Variants in RNF130 observed in about 807,000 individuals in gnomAD.
The protein encoded by RNF130 is ring finger protein 130.
A neutral mutation model predicts 44.6 loss-of-function variants in RNF130; 21 were observed. The observed-to-expected ratio is 0.47, with a 90% CI of 0.33 to 0.68. RNF130 has a LOEUF of 0.68. RNF130 is among the 30% of genes least tolerant of loss of function. The pLI, the probability that RNF130 is intolerant of heterozygous loss-of-function variation, is 0.02. For synonymous variants in RNF130, 214 were observed against 210.4 expected (o/e 1.02, Z -0.15); for missense variants, 479 against 560.6 (o/e 0.85, Z 1.47).
At position 179,966,992 on chromosome 5, in the gene RNF130, C is replaced by T; in HGVS notation, c.964G>A (p.Asp322Asn). 1.9e-6 allele frequency: 3 copies of T among 1,612,896 alleles called. No individual in the cohort carries two copies. Among genetic ancestry groups the T allele is most frequent in the Non-Finnish European group, 2.5e-6 (3 of 1,179,496 alleles). ...LGIVPNLPCT[D>N]NVAFDMERLT... ...CTTTCCATATCGAATGCTACGTTAT[C>T]AGTACATGGCAAATTCGGCTGCAAA... Residue 322 changes from aspartate to asparagine, a missense_variant, in exon 7 of 9, where the codon GAT (aspartate) becomes AAT (asparagine). By Grantham distance (23) the Asp-to-Asn change is conservative. Transcript: ENST00000521389.
At chr5:180,042,545 T>C (rs1764446824) in intron 1 of RNF130, among the ~76,000 whole-genome samples, 1 of 152,216 alleles carries the variant, frequency 6.6e-6, no homozygotes, top group Non-Finnish European at 1.5e-5. Context: ...TTTACTTTCA[T>C]CACTATCTGT....
chr5:180,051,534 G>A (rs1251717223), intron 1 of RNF130, among the ~76,000 whole-genome samples: 4 of 152,086 alleles, frequency 2.6e-5, no homozygotes, highest in Admixed American at 2.0e-4. Flanking sequence ...ACCGCGCCCC[G>A]GCCTTTGTAC....
chr5:179,956,599 C>T (rs1561668329), intron 8 of RNF130: 2 of 152,918 alleles, frequency 1.3e-5, no homozygotes, highest in Non-Finnish European at 2.9e-5. Flanking sequence ...ACAGCAGACA[C>T]ACCAAACCAC....
At chr5:180,002,542 C>T (rs1316306806) in intron 3 of RNF130, among the ~76,000 whole-genome samples, 3 of 152,208 alleles carry the variant, frequency 2.0e-5, no homozygotes, top group South Asian at 2.1e-4. Context: ...GGTGCATAGC[C>T]GGGTGGACTC....
In RNF130 at chr5:179,970,532, A is replaced by G. The variant is rs772020819; in HGVS notation, c.849-26T>C. Reference sequence around the variant, plus strand: ...CTATAAAATAATGGAGAATTATGTCACAAGTTACATACCAAGAAACTTATT... The same window carrying G: ...CTATAAAATAATGGAGAATTATGTCGCAAGTTACATACCAAGAAACTTATT... On this transcript the variant is annotated intron_variant, in intron 5 of 8. Coordinates refer to ENST00000521389, the MANE Select transcript of RNF130 (RefSeq NM_018434.6). The G allele has an allele frequency of 5.1e-6, 8 of 1,554,126 alleles. No homozygotes were observed. The East Asian group carries it at 1.6e-4, about 31-fold the overall frequency.
intron 3 of RNF130, among the ~76,000 whole-genome samples, chr5:180,005,352 TG>T (rs2113068449): frequency 6.6e-6 from 1 of 152,186 alleles, no homozygotes. Context: ...GGTCTGAACC[TG>T]GGAGGCGGAG....
At chr5:180,052,316 T>C (rs1764704621) in intron 1 of RNF130, among the ~76,000 whole-genome samples, 1 of 152,216 alleles carries the variant, frequency 6.6e-6, no homozygotes, top group Non-Finnish European at 1.5e-5. Context: ...TCCTCTCACA[T>C]GTGACGTCTT....
rs947789281 is a variant in RNF130, at chr5:180,071,446, C to T, written c.247+10G>A. On this transcript the variant is annotated intron_variant, in intron 1 of 8. Coordinates refer to ENST00000521389, the MANE Select transcript of RNF130 (RefSeq NM_018434.6). ...CGACCACCGCCCGCCGCCCCCGGGC[C>T]GGCACTCACCTCCGTGGAGGGGCAG... 1.6e-6 allele frequency: 2 copies of T among 1,236,860 alleles called. No individual in the cohort carries two copies. Among genetic ancestry groups the T allele is most frequent in the Non-Finnish European group, 2.0e-6 (2 of 989,332 alleles). The allele number at this position is 1,236,860 out of a possible 1,614,324, so 76.6% of individuals were successfully genotyped here.
Position 180,021,391 on chromosome 5 carries a change from T to A in RNF130, c.443-8080A>T, listed in dbSNP as rs554677131. Among the ~76,000 whole-genome samples the A allele has an allele frequency of 6.6e-5, 10 of 152,256 alleles. No individual in the cohort carries two copies. The East Asian group carries it at 9.7e-4, about 15-fold the overall frequency. On this transcript the variant is annotated intron_variant, in intron 2 of 8. Transcript: ENST00000521389. ...TCATTTATTGATGTATAAAATACCA[T>A]CAACCACAAGGTACATCATTATGTA...
intron 7 of RNF130, among the ~76,000 whole-genome samples, chr5:179,949,481 C>G (rs977143950): frequency 2.0e-5 from 3 of 151,088 alleles, no homozygotes; most frequent in Admixed American, 2.0e-4. Context: ...GCTGAAAATA[C>G]TCTAGAAAAA....
downstream of RNF130, among the ~76,000 whole-genome samples, chr5:179,950,266 G>C (rs1300853012): frequency 1.3e-5 from 2 of 151,974 alleles, no homozygotes; most frequent in African/African-American, 2.4e-5. Flanking sequence ...ATAGGCACCT[G>C]CCACCACGCC....
In RNF130 at chr5:179,945,229, C is replaced by T. The variant is rs73342216; in HGVS notation, c.1150+21577G>A. Among the ~76,000 whole-genome samples the T allele has an allele frequency of 8.8e-3, 1,344 of 152,300 alleles. 21 individuals are homozygous for T. Among genetic ancestry groups the T allele is most frequent in the African/African-American group, 0.031 (1,276 of 41,564 alleles). ...TCTCGCCCACACCTGTGACCCCTTT[C>T]CCTCCACTACGATGAGCAAGGCTCA... On this transcript the variant is annotated intron_variant, in intron 7 of 7. Coordinates refer to the RNF130 transcript ENST00000522208.
intron 1 of RNF130, among the ~76,000 whole-genome samples, chr5:180,064,750 G>C (rs1234191140): frequency 3.9e-5 from 6 of 152,038 alleles, no homozygotes; most frequent in Non-Finnish European, 5.9e-5. Flanking sequence ...CTCCACCTTT[G>C]TCATCTGTGT....
At chr5:179,979,626 T>A (rs1582159437) in intron 4 of RNF130, among the ~76,000 whole-genome samples, 1 of 152,272 alleles carries the variant, frequency 6.6e-6, no homozygotes, top group East Asian at 1.9e-4. Context: ...TGAGGCGGGA[T>A]GTCAGTTAGA....
At chr5:179,950,324 T>A (rs1762107108), downstream of RNF130, among the ~76,000 whole-genome samples, 1 of 151,888 alleles carries the variant, frequency 6.6e-6, no homozygotes. Context: ...GCCATGTTGG[T>A]CAGGCTGGTA....
intron 1 of RNF130, among the ~76,000 whole-genome samples, chr5:180,065,503 G>C (rs890790497): frequency 2.0e-5 from 3 of 152,190 alleles, no homozygotes; most frequent in Non-Finnish European, 2.9e-5. Context: ...GCTCACACTT[G>C]TAATCCCAGC....
At chr5:180,056,084 A>T (rs1383871112) in intron 1 of RNF130, among the ~76,000 whole-genome samples, 1 of 150,994 alleles carries the variant, frequency 6.6e-6, no homozygotes, top group Non-Finnish European at 1.5e-5. Flanking sequence ...ACTGGGTCTT[A>T]AAAAAAAACA....
At chr5:179,963,371 A>G in intron 8 of RNF130, 100 bp downstream of exon 8, 1 of 826,170 alleles carries the variant, frequency 1.2e-6, no homozygotes, top group Non-Finnish European at 2.1e-6. Context: ...TCCGTATGAA[A>G]CTGGTAGAAA....
chr5:180,022,695 A>G (rs1054926414), intron 2 of RNF130, among the ~76,000 whole-genome samples: 16 of 151,966 alleles, frequency 1.1e-4, no homozygotes, highest in African/African-American at 3.6e-4. Context: ...CCACGTCTCC[A>G]CTTAAGCCAC....
Sources: gnomAD v4.1 joint callset for allele counts (sites outside exome capture counted in the v4.1 genomes callset) on GRCh38, gnomAD v4.1.1 for gene constraint, MANE v1.5 for transcripts, NCBI Gene and HGNC (gene_info 2026-07-23, HGNC 2026-07-21) for gene names.